The following TSKS variants were observed in gnomAD, a reference collection of about 807,000 sequenced individuals.
TSKS encodes the protein testis-specific serine kinase substrate.
A neutral mutation model predicts 68.0 loss-of-function variants in TSKS; 27 were observed. The ratio of observed to expected loss-of-function variants is 0.40; its 90% CI spans 0.29 to 0.55. The LOEUF is 0.55. TSKS is among the 20% of genes least tolerant of loss of function. The pLI, the probability that TSKS is intolerant of heterozygous loss-of-function variation, is 0.53. For missense variants in TSKS, 806 were observed against 776.0 expected (o/e 1.04, Z -0.46); for synonymous variants, 331 against 340.4 (o/e 0.97, Z 0.30).
chr19:49,741,798 C>CAT, intron 9 of TSKS, 87 bp downstream of exon 9: 2 of 1,581,694 alleles, frequency 1.3e-6, no homozygotes, highest in Non-Finnish European at 1.7e-6. Context: ...CTGCCACACA[C>CAT]CAGCAGTACC....
chr19:49,741,819 G>T, intron 9 of TSKS, 66 bp downstream of exon 9: 3 of 1,608,426 alleles, frequency 1.9e-6, no homozygotes, highest in Non-Finnish European at 2.6e-6. Flanking sequence ...CTTGAGTCCG[G>T]GGTTCCCCTC....
chr19:49,753,717 T>A (rs1208553724), intron 2 of TSKS, among the ~76,000 whole-genome samples: 1 of 149,728 alleles, frequency 6.7e-6, no homozygotes, highest in African/African-American at 2.4e-5. Context: ...CATGCCACTG[T>A]ACAGTGGCCT....
chr19:49,744,394 A>C lies in TSKS; in HGVS notation c.1198T>G (p.Ser400Ala). The change falls in exon 8 of 11, where the codon TCA becomes GCA. Residue 400 changes from serine to alanine, a missense_variant. By Grantham distance (99) the Ser-to-Ala change is moderately conservative (BLOSUM62 1). Coordinates refer to ENST00000246801, the MANE Select transcript of TSKS (RefSeq NM_021733.2). Reference sequence around the variant, plus strand: ...CTCAGTGAAGCCACAGACACTGCTGACCGCTCCACCCTGAGGCATGAGTAA... The same window carrying C: ...CTCAGTGAAGCCACAGACACTGCTGCCCGCTCCACCCTGAGGCATGAGTAA... Reference protein sequence around the residue: ...ADELCTMVERSAVSVASLRSE... With the variant: ...ADELCTMVERAAVSVASLRSE... The C allele has an allele frequency of 3.1e-6, 5 of 1,613,588 alleles. No individual in the cohort carries two copies. Among genetic ancestry groups the C allele is most frequent in the Non-Finnish European group, 4.2e-6 (5 of 1,179,698 alleles).
intron 8 of TSKS, among the ~76,000 whole-genome samples, chr19:49,742,365 T>C (rs940405427): frequency 3.3e-5 from 5 of 152,088 alleles, no homozygotes; most frequent in African/African-American, 1.2e-4. Flanking sequence ...ATCCGGCTAA[T>C]TTTTGTATTT....
intron 8 of TSKS, among the ~76,000 whole-genome samples, chr19:49,742,342 C>T (rs1160179061): frequency 1.3e-5 from 2 of 151,992 alleles, no homozygotes; most frequent in African/African-American, 2.4e-5. Context: ...GGACTACAGG[C>T]ATGTGCCGCC....
intron 2 of TSKS, among the ~76,000 whole-genome samples, chr19:49,755,898 G>A (rs1158543672): frequency 6.6e-6 from 1 of 152,088 alleles, no homozygotes; most frequent in Non-Finnish European, 1.5e-5. Context: ...CTACTTGGGA[G>A]GCTGAGGCAG....
At chr19:49,761,701 C>T (rs1440497863) in intron 2 of TSKS, among the ~76,000 whole-genome samples, 2 of 152,052 alleles carry the variant, frequency 1.3e-5, no homozygotes, top group Non-Finnish European at 2.9e-5. Flanking sequence ...CGGGGGCTCT[C>T]GCCTGTAATC....
At chr19:49,746,089 A>G (rs964058187) in intron 6 of TSKS, among the ~76,000 whole-genome samples, 1 of 152,174 alleles carries the variant, frequency 6.6e-6, no homozygotes, top group Admixed American at 6.5e-5. Context: ...AGGCTGAAGC[A>G]GGAGAATGGC....
At chr19:49,758,827 G>A (rs548641590) in intron 2 of TSKS, among the ~76,000 whole-genome samples, 157 of 152,148 alleles carry the variant, frequency 1.0e-3, no homozygotes, top group Middle Eastern at 3.4e-3. Context: ...TTGACCTTGT[G>A]GAGGTTACTA....
Position 49,742,008 on chromosome 19 carries a change from C to A in TSKS, c.1374G>T (p.Gln458His), listed in dbSNP as rs774911493. The A allele has an allele frequency of 2.5e-6, 4 of 1,614,058 alleles. No homozygotes were observed. Among genetic ancestry groups the A allele is most frequent in the Non-Finnish European group, 3.4e-6 (4 of 1,180,016 alleles). ...GCTGCTGCAGGGACTCCGTAGACAA[C>A]TGCGACCCCTGGCTGGGGGAGGGGC... ...NCARCASQGS[Q>H]LSTESLQQLL... The change falls in exon 9 of 11, where the codon CAG becomes CAT. Residue 458 changes from glutamine (Q) to histidine (H), a missense_variant. Physicochemically the swap from Gln to His is conservative, Grantham distance 24. Transcript: ENST00000246801.
Position 49,744,331 on chromosome 19 carries a change from G to A in TSKS, c.1261C>T (p.Leu421=). The change falls in exon 8 of 11, where the codon CTG becomes TTG. Residue 421 remains leucine (L), a synonymous_variant. Transcript: ENST00000246801. ...TGAAATTGCCGCCCGAACTCCTCCAGAATGGGTTTCAGTGGGCCCAGCCCC... is the reference window on the plus strand; with the variant it reads ...TGAAATTGCCGCCCGAACTCCTCCAAAATGGGTTTCAGTGGGCCCAGCCCC... ...LEGLGPLKPI[L]EEFGRQFQNS... The A allele has an allele frequency of 6.2e-7, 1 of 1,614,088 alleles. No individual in the cohort carries two copies. Among genetic ancestry groups the A allele is most frequent in the Non-Finnish European group, 8.5e-7 (1 of 1,180,012 alleles).
chr19:49,762,679 G>A (rs1040276288), intron 1 of TSKS, among the ~76,000 whole-genome samples: 11 of 151,436 alleles, frequency 7.3e-5, no homozygotes, highest in Admixed American at 2.6e-4. Context: ...CACCTGCCTC[G>A]GCCTCCCAAA....
chr19:49,745,836 G>A (rs2084293952), intron 6 of TSKS, among the ~76,000 whole-genome samples: 1 of 152,144 alleles, frequency 6.6e-6, no homozygotes, highest in African/African-American at 2.4e-5. Flanking sequence ...TCAGGTCACT[G>A]CCTTCGGGGC....
rs757751835 is a variant in TSKS, at chr19:49,746,693, CCTGCTTCTCCTCCGGCT to C, written c.752_768del (p.Glu251GlyfsTer136). On this transcript the variant is annotated frameshift_variant, in exon 6 of 11. Coordinates refer to ENST00000246801, the MANE Select transcript of TSKS (RefSeq NM_021733.2). LOFTEE classifies it high-confidence loss of function. ...TCCGGCTTCTGCTTCTCCTCCGGCT[CCTGCTTCTCCTCCGGCT>C]CCTGCTTCTCCTCCGGCTCCTGCAG... 7 of 1,287,542 alleles carry C rather than the reference CCTGCTTCTCCTCCGGCT, an allele frequency of 5.4e-6. No homozygotes were observed. Among genetic ancestry groups the C allele is most frequent in the African/African-American group, 2.8e-5 (1 of 35,926 alleles). 79.8% of individuals were successfully genotyped at this position (1,287,542 alleles called of 1,614,324 possible). A position where few individuals can be genotyped will look rare whatever the true frequency, so the allele number is the denominator to read the frequency against.
intron 1 of TSKS, among the ~76,000 whole-genome samples, chr19:49,762,499 C>T (rs1047496351): frequency 6.7e-6 from 1 of 149,980 alleles, no homozygotes; most frequent in Non-Finnish European, 1.5e-5. Context: ...TCTCAGCTCA[C>T]TGCAACCTCC....
intron 5 of TSKS, 38 bp from the exon 6 acceptor site, chr19:49,746,836 C>G (rs754615479): frequency 1.3e-6 from 2 of 1,581,690 alleles, no homozygotes; most frequent in South Asian, 2.2e-5. Flanking sequence ...AGCGTCCAGC[C>G]GCTTTCCTCC....
chr19:49,750,324 T>G (rs2084339415), intron 2 of TSKS, among the ~76,000 whole-genome samples: 1 of 151,400 alleles, frequency 6.6e-6, no homozygotes, highest in South Asian at 2.1e-4. Flanking sequence ...AGTGGCATGA[T>G]CTCGGCTCAC....
At position 49,748,130 on chromosome 19, in the gene TSKS, C is replaced by T; in HGVS notation, c.534G>A (p.Arg178=). The T allele has an allele frequency of 6.2e-7, 1 of 1,614,202 alleles. No homozygotes were observed. Among genetic ancestry groups the T allele is most frequent in the Non-Finnish European group, 8.5e-7 (1 of 1,180,034 alleles). The change falls in exon 4 of 11, where the codon AGG becomes AGA. Residue 178 remains arginine (R), a synonymous_variant. Coordinates refer to ENST00000246801, the MANE Select transcript of TSKS (RefSeq NM_021733.2). ...CCTCCAACTCTTCTGCCTCTTGCCG[C>T]CTTCTCTCCAGATTCTCGCTCAGCA... ...CSVLSENLER[R]RQEAEELEGY... is the part of the protein sequence containing the mutation.
At chr19:49,748,867 G>C (rs139004302) in intron 2 of TSKS, among the ~76,000 whole-genome samples, 145 of 152,184 alleles carry the variant, frequency 9.5e-4, no homozygotes, top group African/African-American at 3.0e-3. Context: ...AGGAGTTCAA[G>C]ACCAACTTGG....
Sources: gnomAD v4.1 joint callset for allele counts (sites outside exome capture counted in the v4.1 genomes callset) on GRCh38, gnomAD v4.1.1 for gene constraint, MANE v1.5 for transcripts, NCBI Gene and HGNC (gene_info 2026-07-23, HGNC 2026-07-21) for gene names.